The following SIMC1 variants were observed in gnomAD, a reference collection of about 807,000 sequenced individuals.
SIMC1 encodes the protein SUMO interacting motifs containing 1.
A neutral mutation model predicts 82.3 loss-of-function variants in SIMC1; 55 were observed. That is an observed-to-expected ratio of 0.67 (90% CI 0.54 to 0.84). The LOEUF is 0.84. SIMC1 is among the 40% of genes least tolerant of loss of function. The pLI is 0.00. For missense variants in SIMC1, 915 were observed against 1,107.2 expected, an observed-to-expected ratio of 0.83 and a Z score of 2.46; for synonymous variants, 353 against 426.3, an observed-to-expected ratio of 0.83 and a Z score of 2.12.
At chr5:176,283,953 T>C (rs1231010555) in intron 1 of SIMC1, among the ~76,000 whole-genome samples, 1 of 152,152 alleles carries the variant, frequency 6.6e-6, no homozygotes, top group East Asian at 1.9e-4. Context: ...GGTAAAGGGA[T>C]TAATTCAACA....
chr5:176,313,474 A>G, intron 4 of SIMC1: 1 of 1,551,056 alleles, frequency 6.4e-7, no homozygotes, highest in Non-Finnish European at 8.7e-7. Flanking sequence ...TGGTTTCTGA[A>G]ACCTTATAAG....
At chr5:176,308,354 G>C (rs753111404) in intron 4 of SIMC1, 31 of 1,536,802 alleles carry the variant, frequency 2.0e-5, no homozygotes, top group Non-Finnish European at 2.7e-5. Flanking sequence ...CAGGGCAGCT[G>C]TCTGCAGCTT....
intron 2 of SIMC1, among the ~76,000 whole-genome samples, chr5:176,293,821 A>T (rs577269413): frequency 3.3e-5 from 5 of 152,150 alleles, no homozygotes; most frequent in Non-Finnish European, 7.4e-5. Flanking sequence ...AAATTGTTTA[A>T]TTCTAATTAT....
At position 176,333,864 on chromosome 5, in the gene SIMC1, T is replaced by G. The variant is rs1765776030; in HGVS notation, c.2172-2856T>G. Among the ~76,000 whole-genome samples, 4 of 152,288 alleles carry G rather than the reference T, an allele frequency of 2.6e-5. No individual in the cohort carries two copies. In the South Asian group the frequency reaches 8.3e-4, roughly 32 times the overall value. On this transcript the variant is annotated intron_variant, in intron 7 of 9. Transcript: ENST00000429602. ...CTATTGCTGTTTAGTTTCATTTATT[T>G]TGTTTTCTCTCTTTCTCTCTCAATA...
chr5:176,262,291 A>G (rs1279985743), intron 1 of SIMC1, among the ~76,000 whole-genome samples: 1 of 151,930 alleles, frequency 6.6e-6, no homozygotes, highest in Non-Finnish European at 1.5e-5. Context: ...AAAAAAAAAA[A>G]AAAAAAAAGC....
chr5:176,337,195 A>C (rs748250658), intron 9 of SIMC1, 49 bp downstream of exon 9: 7 of 1,441,824 alleles, frequency 4.9e-6, no homozygotes, highest in Non-Finnish European at 2.0e-6. Flanking sequence ...CTCAATGGAC[A>C]TTTGTATTAG....
chr5:176,340,623 A>T (rs1766095409), intron 9 of SIMC1, among the ~76,000 whole-genome samples: 1 of 152,194 alleles, frequency 6.6e-6, no homozygotes, highest in Non-Finnish European at 1.5e-5. Context: ...ATATCTACTG[A>T]ATGTCCTCTC....
In SIMC1 at chr5:176,289,792, T is replaced by A; in HGVS notation, c.268T>A (p.Ser90Thr). The change falls in exon 2 of 10, where the codon TCC becomes ACC. Residue 90 changes from serine (S) to threonine (T), a missense_variant. Coordinates refer to ENST00000429602, the MANE Select transcript of SIMC1 (RefSeq NM_001308195.2). ...CTTAACTTTAGAACCTGTCACTCCT[T>A]CCCAGAAGGAGCCAACCAGTCTTCA... ...LDLTLEPVTP[S>T]QKEPTSLQTC... 6.2e-7 allele frequency: 1 copy of A among 1,613,936 alleles called. No homozygotes were observed.
chr5:176,250,304 A>G (rs1761607601), intron 1 of SIMC1, among the ~76,000 whole-genome samples: 1 of 152,120 alleles, frequency 6.6e-6, no homozygotes, highest in Non-Finnish European at 1.5e-5. Context: ...CTGAGTTCTA[A>G]TTTGATTGCA....
At chr5:176,303,415 C>A (rs1381975294) in intron 4 of SIMC1, among the ~76,000 whole-genome samples, 2 of 151,438 alleles carry the variant, frequency 1.3e-5, no homozygotes, top group African/African-American at 4.9e-5. Context: ...ACAACCTCCG[C>A]CTCCTGGGTT....
rs1452896129 is a variant in SIMC1, at chr5:176,290,639, A to T, written c.1115A>T (p.Asp372Val). The change falls in exon 2 of 10, where the codon GAC becomes GTC. Residue 372 changes from aspartate (D) to valine (V), a missense_variant. This residue lies in a region of SIMC1 where 902 missense variants were observed against 1,040.3 expected (regional missense o/e 0.87). Transcript: ENST00000429602. ...CCTCACTTACCAGGAGACAGGCCTG[A>T]CTTTACCCAGAATGATGTACAGAAC... is the stretch of plus-strand genomic sequence containing the variant. ...DIPHLPGDRP[D>V]FTQNDVQNRD... 1.2e-6 allele frequency: 2 copies of T among 1,613,996 alleles called. No homozygotes were observed. Among genetic ancestry groups the T allele is most frequent in the South Asian group, 2.2e-5 (2 of 91,078 alleles).
At chr5:176,333,422 T>G (rs1488873079) in intron 7 of SIMC1, among the ~76,000 whole-genome samples, 1 of 152,090 alleles carries the variant, frequency 6.6e-6, no homozygotes, top group East Asian at 1.9e-4. Flanking sequence ...GTGGGGTTTT[T>G]TTGGTGTTTT....
intron 1 of SIMC1, among the ~76,000 whole-genome samples, chr5:176,279,865 A>C (rs1762900899): frequency 6.6e-6 from 1 of 152,048 alleles, no homozygotes; most frequent in South Asian, 2.1e-4. Flanking sequence ...CTGTTCTTTT[A>C]CATTTTCTGA....
At position 176,290,261 on chromosome 5, in the gene SIMC1, C is replaced by G; in HGVS notation, c.737C>G (p.Ala246Gly). Reference protein sequence around the residue: ...PPRASSCPPRALSCPSQTMQC... With the variant: ...PPRASSCPPRGLSCPSQTMQC... The stretch of plus-strand genomic sequence containing the variant: ...CGAGCCTCCTCATGCCCACCACGAG[C>G]CTTGTCATGCCCATCACAAACCATG... The change falls in exon 2 of 10, where the codon GCC becomes GGC. Residue 246 changes from alanine to glycine, a missense_variant. By Grantham distance (60) the Ala-to-Gly change is moderately conservative. Around this residue, in one of 2 missense-constraint regions of SIMC1, gnomAD observed 902 missense variants for 1,040.3 expected, o/e 0.87. Coordinates refer to ENST00000429602, the MANE Select transcript of SIMC1 (RefSeq NM_001308195.2). The G allele has an allele frequency of 6.2e-7, 1 of 1,613,830 alleles. No homozygotes were observed. The highest frequency in any genetic ancestry group is 1.3e-5 in the African/African-American group (1 of 74,962).
chr5:176,325,540 G>C (rs1765355455), intron 7 of SIMC1, among the ~76,000 whole-genome samples: 1 of 151,906 alleles, frequency 6.6e-6, no homozygotes, highest in Admixed American at 6.6e-5. Context: ...AAAAAAATTA[G>C]CCGGGTGTGG....
intron 1 of SIMC1, among the ~76,000 whole-genome samples, chr5:176,283,397 A>T (rs1763106860): frequency 6.6e-6 from 1 of 152,246 alleles, no homozygotes; most frequent in African/African-American, 2.4e-5. Context: ...AGAATTTTCA[A>T]CACAGAATTT....
chr5:176,292,403 A>C (rs993836645), intron 2 of SIMC1, among the ~76,000 whole-genome samples: 1 of 152,226 alleles, frequency 6.6e-6, no homozygotes, highest in Non-Finnish European at 1.5e-5. Context: ...TCATTCAAGC[A>C]GTGATCCAGG....
rs1402469594 is a variant in SIMC1, at chr5:176,337,085, T to G, written c.2352T>G (p.Thr784=). ...AGTCAGATAAAAGCCAGTGGCAGAC[T>G]TGGGACGAATTGGTTGAGCATCTGC... is the stretch of plus-strand genomic sequence containing the variant. The part of the protein sequence containing the change: ...KCQSDKSQWQ[T]WDELVEHLQF... Residue 784 remains threonine, a synonymous_variant, in exon 9 of 10, where the codon ACT becomes ACG. Coordinates refer to ENST00000429602, the MANE Select transcript of SIMC1 (RefSeq NM_001308195.2). The G allele has an allele frequency of 6.2e-7, 1 of 1,613,902 alleles. No homozygotes were observed. Among genetic ancestry groups the G allele is most frequent in the Non-Finnish European group, 8.5e-7 (1 of 1,179,902 alleles).
At chr5:176,291,311 A>G (rs1763555258) in intron 2 of SIMC1, among the ~76,000 whole-genome samples, 3 of 143,546 alleles carry the variant, frequency 2.1e-5, no homozygotes, top group Admixed American at 6.9e-5. Flanking sequence ...CTACAGGCGC[A>G]TGCCGCCATG....
Sources: allele counts gnomAD v4.1 joint callset (sites outside exome capture counted in the v4.1 genomes callset), GRCh38; gene constraint gnomAD v4.1.1; regional missense constraint gnomAD v4.1.1; transcripts MANE v1.5; gene names NCBI Gene and HGNC (gene_info 2026-07-23, HGNC 2026-07-21).